Variants in HENMT1 observed in about 807,000 individuals in gnomAD.
The protein encoded by HENMT1 is small RNA 2'-O-methyltransferase.
A neutral mutation model predicts 31.1 loss-of-function variants in HENMT1; 27 were observed. The ratio of observed to expected loss-of-function variants is 0.87; its 90% CI spans 0.64 to 1.20. The LOEUF is 1.20. Ranked by LOEUF, HENMT1 falls within the 50% of genes most tolerant of loss-of-function variation. The pLI is 0.00. For synonymous variants in HENMT1, 167 were observed against 172.2 expected (o/e 0.97, Z 0.24); for missense variants, 438 against 469.6 (o/e 0.93, Z 0.62).
At chr1:108,658,878 C>T (rs1658351136) in intron 2 of HENMT1, among the ~76,000 whole-genome samples, 1 of 152,150 alleles carries the variant, frequency 6.6e-6, no homozygotes, top group South Asian at 2.1e-4. Context: ...TATTCCTATA[C>T]AGCAGTATTA....
chr1:108,655,775 G>A (rs1658217901), intron 3 of HENMT1, 77 bp from the exon 4 acceptor site: 1 of 769,848 alleles, frequency 1.3e-6, no homozygotes, highest in Non-Finnish European at 2.2e-6. Flanking sequence ...TTTTGAGGAG[G>A]AGAGAGTGGA....
chr1:108,655,825 A>T, intron 3 of HENMT1, 127 bp from the exon 4 acceptor site: 9 of 380,348 alleles, frequency 2.4e-5, no homozygotes, highest in Admixed American at 4.5e-5. Flanking sequence ...ATTATATGGA[A>T]GGATCTTTTT....
chr1:108,651,721 A>T (rs1433056390), intron 5 of HENMT1, among the ~76,000 whole-genome samples: 1 of 150,610 alleles, frequency 6.6e-6, no homozygotes, highest in East Asian at 2.0e-4. Context: ...ACAGAAAGAA[A>T]GAGAAAGAGA....
chr1:108,652,905 T>C (rs913905835), intron 5 of HENMT1, among the ~76,000 whole-genome samples: 4 of 150,322 alleles, frequency 2.7e-5, no homozygotes, highest in African/African-American at 7.3e-5. Context: ...GATCGCGCCA[T>C]TGCACTCCAG....
Position 108,655,651 on chromosome 1 carries a change from T to C in HENMT1, c.198A>G (p.Lys66=). 1.2e-6 allele frequency: 2 copies of C among 1,613,052 alleles called. No homozygotes were observed. Among genetic ancestry groups the C allele is most frequent in the Non-Finnish European group, 1.7e-6 (2 of 1,179,556 alleles). Residue 66 remains lysine, a synonymous_variant, in exon 4 of 8, where the codon AAA becomes AAG. Transcript: ENST00000651461. ...CAAGCAATTCAATGCATGGATTGAC[T>C]TTTAGCAGCCTTAAGAGTGAAGTAT... The part of the protein sequence containing the change: ...CGDTSLLRLL[K]VNPCIELLVG...
chr1:108,657,019 T>G (rs183688109), intron 3 of HENMT1, among the ~76,000 whole-genome samples: 49 of 152,318 alleles, frequency 3.2e-4, no homozygotes, highest in Admixed American at 2.9e-3. Flanking sequence ...CCCTCCTCCA[T>G]AAAACTTAGA....
At chr1:108,655,543 A>T in intron 4 of HENMT1, 43 bp downstream of exon 4, 1 of 1,104,862 alleles carries the variant, frequency 9.1e-7, no homozygotes, top group Non-Finnish European at 1.3e-6. Flanking sequence ...TAATGCCATT[A>T]GTTTTAGATT....
chr1:108,652,455 G>A (rs182655120), intron 5 of HENMT1, among the ~76,000 whole-genome samples: 2 of 152,268 alleles, frequency 1.3e-5, no homozygotes, highest in Admixed American at 1.3e-4. Context: ...GGTAAATCTA[G>A]GTAAAGAACA....
At chr1:108,655,500 C>G in intron 4 of HENMT1, 86 bp downstream of exon 4, 1 of 754,952 alleles carries the variant, frequency 1.3e-6, no homozygotes, top group Non-Finnish European at 2.1e-6. Flanking sequence ...TCTTTTAAAA[C>G]AAATATAAAA....
chr1:108,648,620 A>C lies in HENMT1; in HGVS notation c.1128T>G (p.Gly376=). The C allele has an allele frequency of 6.2e-7, 1 of 1,614,242 alleles. No homozygotes were observed. The highest frequency in any genetic ancestry group is 8.5e-7 in the Non-Finnish European group (1 of 1,180,026). ...IADSIPLSSD[G]SAVVADLRNY... is the part of the protein sequence containing the mutation. ...TACGCAGGTCAGCCACCACTGCAGA[A>C]CCATCACTGCTCAGAGGAATTGAGT... Residue 376 remains glycine (G), a synonymous_variant, in exon 8 of 8, where the codon GGT becomes GGG. Transcript: ENST00000651461.
chr1:108,649,944 G>A, intron 7 of HENMT1: 1 of 524,880 alleles, frequency 1.9e-6, no homozygotes, highest in East Asian at 4.3e-5. Context: ...GTGAGCCACT[G>A]TACCCAGCTA....
Position 108,648,699 on chromosome 1 carries a change from G to C in HENMT1, c.1049C>G (p.Pro350Arg), listed in dbSNP as rs1657951212. The C allele has an allele frequency of 2.5e-6, 4 of 1,614,040 alleles. No individual in the cohort carries two copies. Among genetic ancestry groups the C allele is most frequent in the Admixed American group, 3.3e-5 (2 of 59,996 alleles). ...FVPLQRLLAY[P>R]KLNRLCANEE... ...ATTAGCACATAAGCGGTTCAACTTGGGATACGCAAGGAGTCTCTGCAGAGG... is the reference window on the plus strand; with the variant it reads ...ATTAGCACATAAGCGGTTCAACTTGCGATACGCAAGGAGTCTCTGCAGAGG... Residue 350 changes from proline (P) to arginine (R), a missense_variant, in exon 8 of 8, where the codon CCC becomes CGC. Pro to Arg is a moderately radical substitution (Grantham distance 103). Coordinates refer to ENST00000651461, the MANE Select transcript of HENMT1 (RefSeq NM_001102592.2).
At chr1:108,649,480 G>A in intron 7 of HENMT1, 1 of 432,482 alleles carries the variant, frequency 2.3e-6, no homozygotes, top group South Asian at 1.7e-5. Context: ...GCTGAGCATG[G>A]TGGTGCACGC....
intron 3 of HENMT1, among the ~76,000 whole-genome samples, chr1:108,657,057 C>T (rs1336270964): frequency 6.6e-6 from 1 of 152,146 alleles, no homozygotes; most frequent in Non-Finnish European, 1.5e-5. Flanking sequence ...CCATTCTTTG[C>T]CTCAAATGAT....
At chr1:108,651,664 A>G (rs1557739038) in intron 5 of HENMT1, among the ~76,000 whole-genome samples, 4 of 151,644 alleles carry the variant, frequency 2.6e-5, no homozygotes, top group Admixed American at 6.6e-5. Flanking sequence ...AGAAAAAGAA[A>G]GAAGGAAGGA....
At chr1:108,655,564 T>G in intron 4 of HENMT1, 22 bp downstream of exon 4, 1 of 1,337,692 alleles carries the variant, frequency 7.5e-7, no homozygotes, top group Non-Finnish European at 1.1e-6. Flanking sequence ...AACGCATAAT[T>G]CTTTCAGAAA....
chr1:108,659,832 G>A (rs1437275436), intron 2 of HENMT1, 32 bp downstream of exon 2: 2 of 1,341,076 alleles, frequency 1.5e-6, no homozygotes, highest in Non-Finnish European at 2.1e-6. Context: ...ATTCTTAAGA[G>A]TCAAAGACGC....
At chr1:108,653,371 C>T (rs116221689) in intron 5 of HENMT1, among the ~76,000 whole-genome samples, 1,799 of 152,244 alleles carry the variant, frequency 0.012, 34 homozygotes, top group African/African-American at 0.041. Flanking sequence ...AGGTAGATTC[C>T]GTATCCTGGC....
intron 5 of HENMT1, among the ~76,000 whole-genome samples, chr1:108,654,398 ATAACTC>A (rs1286229612): frequency 6.6e-6 from 1 of 152,202 alleles, no homozygotes; most frequent in Admixed American, 6.5e-5. Flanking sequence ...AGGAAAAAAA[ATAACTC>A]TAAAGGGAGA....
Sources: allele counts gnomAD v4.1 joint callset (sites outside exome capture counted in the v4.1 genomes callset), GRCh38; gene constraint gnomAD v4.1.1; transcripts MANE v1.5; gene names NCBI Gene and HGNC (gene_info 2026-07-23, HGNC 2026-07-21).